Variants in CEP83 observed in about 807,000 individuals in gnomAD.
CEP83 encodes centrosomal protein 83.
In CEP83, 70 loss-of-function variants were observed where a neutral mutation model predicts 101.9. The ratio of observed to expected loss-of-function variants is 0.69; its 90% CI spans 0.57 to 0.84. The LOEUF (loss-of-function observed/expected upper bound fraction) is 0.84. Ranked by LOEUF, CEP83 falls within the 40% of genes least tolerant of loss-of-function variation. The probability of loss-of-function intolerance (pLI) is 0.00; values close to 1 mark genes in which losing one functional copy is unlikely to be tolerated. For synonymous variants in CEP83, 264 were observed against 267.9 expected, an observed-to-expected ratio of 0.99 and a Z score of 0.14; for missense variants, 715 against 787.2, an observed-to-expected ratio of 0.91 and a Z score of 1.10.
At chr12:94,434,206 T>G (rs1046173932) in intron 2 of CEP83, among the ~76,000 whole-genome samples, 1 of 152,160 alleles carries the variant, frequency 6.6e-6, no homozygotes, top group Non-Finnish European at 1.5e-5. Flanking sequence ...TGCAAAAATA[T>G]GAGAACTCAA....
chr12:94,361,228 T>C (rs1022979248), intron 11 of CEP83: 3 of 152,214 alleles, frequency 2.0e-5, no homozygotes, highest in African/African-American at 7.2e-5. Flanking sequence ...AAGTTGGGCA[T>C]GGTGGCACGT....
chr12:94,386,956 A>G (rs578244109), intron 6 of CEP83, among the ~76,000 whole-genome samples: 3 of 152,238 alleles, frequency 2.0e-5, no homozygotes, highest in Non-Finnish European at 4.4e-5. Flanking sequence ...ATAAAGCTGC[A>G]TATCTACAAC....
At chr12:94,311,100 C>G (rs1969794599) in intron 15 of CEP83, among the ~76,000 whole-genome samples, 1 of 152,038 alleles carries the variant, frequency 6.6e-6, no homozygotes, top group African/African-American at 2.4e-5. Context: ...CACCAATGGC[C>G]AATGATGTAA....
chr12:94,353,936 G>A (rs2060320486), intron 11 of CEP83, among the ~76,000 whole-genome samples: 1 of 151,596 alleles, frequency 6.6e-6, no homozygotes, highest in Admixed American at 6.6e-5. Flanking sequence ...TTCAGCAAGA[G>A]GATTAGCAAT....
chr12:94,271,231 TTG>T, the CEP83 span, among the ~76,000 whole-genome samples: 3 of 152,258 alleles, frequency 2.0e-5, no homozygotes, highest in African/African-American at 7.2e-5. Flanking sequence ...AGTTGCCAGT[TTG>T]TAATAAATTA....
chr12:94,422,474 C>T (rs1006709208), intron 2 of CEP83, among the ~76,000 whole-genome samples: 3 of 152,170 alleles, frequency 2.0e-5, no homozygotes, highest in African/African-American at 7.2e-5. Context: ...TCTTATGGTA[C>T]CACTGTTGTG....
At chr12:94,435,429 A>G (rs2065915485) in intron 1 of CEP83, 102 bp from the exon 2 acceptor site, 1 of 152,148 alleles carries the variant, frequency 6.6e-6, no homozygotes, top group African/African-American at 2.4e-5. Flanking sequence ...CTCTAACGAT[A>G]CTTCTGCATG....
intron 2 of CEP83, chr12:94,423,984 TG>T (rs1457219926): frequency 1.2e-6 from 2 of 1,612,878 alleles, no homozygotes; most frequent in Non-Finnish European, 8.5e-7. Context: ...TGGAGAGAAA[TG>T]GGATGGTCCA....
intron 11 of CEP83, among the ~76,000 whole-genome samples, chr12:94,355,476 G>A (rs149961147): frequency 0.096 from 14,673 of 152,166 alleles, 812 homozygotes; most frequent in Admixed American, 0.15. Context: ...GGGCAACAGA[G>A]CGAGACTCCG....
intron 6 of CEP83, among the ~76,000 whole-genome samples, chr12:94,380,071 C>CAAAAAAAAA (rs11362391): frequency 8.4e-5 from 7 of 83,194 alleles, no homozygotes; most frequent in African/African-American, 1.4e-4. Flanking sequence ...CCCGGCCCTG[C>CAAAAAAAAA]AAAAAAAAAA....
chr12:94,397,446 C>T (rs1448546634), intron 6 of CEP83, among the ~76,000 whole-genome samples: 4 of 152,050 alleles, frequency 2.6e-5, no homozygotes, highest in South Asian at 2.1e-4. Flanking sequence ...TGCAGTAAGC[C>T]GAGATTGCAT....
rs192503533 is a variant in CEP83, at chr12:94,346,055, C to T, written c.1344-10391G>A. On this transcript the variant is annotated intron_variant, in intron 11 of 16. Transcript: ENST00000397809. Reference sequence around the variant, plus strand: ...AGATCTCACCCTATTATTTCTCTTTCTTATTGTTTTTTTGAGACGGGGTCT... The same window carrying T: ...AGATCTCACCCTATTATTTCTCTTTTTTATTGTTTTTTTGAGACGGGGTCT... Among the ~76,000 whole-genome samples, 450 of 152,056 alleles carry T rather than the reference C, an allele frequency of 3.0e-3. 2 individuals carry two copies. The highest frequency in any genetic ancestry group is 0.015 in the Admixed American group (226 of 15,292).
In CEP83 at chr12:94,308,477, T is replaced by C. The variant is rs577558380; in HGVS notation, c.*336A>G. 4 of 189,982 alleles carry C rather than the reference T, an allele frequency of 2.1e-5. No homozygotes were observed. Among genetic ancestry groups the C allele is most frequent in the Non-Finnish European group, 2.2e-5 (2 of 91,972 alleles). 11.8% of individuals were successfully genotyped at this position (189,982 alleles called of 1,614,324 possible). A position where few individuals can be genotyped will look rare whatever the true frequency, so the allele number is the denominator to read the frequency against. Reference sequence around the variant, plus strand: ...AGCATCTCAAAGATGAAGAGAGAATTAATGATAGTTATATTTCACTCAAAA... The same window carrying C: ...AGCATCTCAAAGATGAAGAGAGAATCAATGATAGTTATATTTCACTCAAAA... On this transcript the variant is annotated 3_prime_UTR_variant, in exon 17 of 17. Coordinates refer to ENST00000397809, the MANE Select transcript of CEP83 (RefSeq NM_016122.3).
At position 94,347,297 on chromosome 12, in the gene CEP83, C is replaced by T. The variant is rs371756813; in HGVS notation, c.1344-11633G>A. Among the ~76,000 whole-genome samples the T allele has an allele frequency of 9.9e-5, 15 of 151,928 alleles. No homozygotes were observed. The East Asian group carries it at 2.9e-3, about 29-fold the overall frequency. On this transcript the variant is annotated intron_variant, in intron 11 of 16. Transcript: ENST00000397809. ...TTCACAAAAGTAGCTTATAAGCACA[C>T]AAAAAGATGCTAACCACCACTAGTC...
At position 94,370,017 on chromosome 12, in the gene CEP83, G is replaced by C. The variant is rs756402053; in HGVS notation, c.953C>G (p.Ser318Ter). ...GATGTCTGTTATTTCCAGTTTGTTT[G>C]AATGTTTAAGTTCTTTTACCTGTTG... Reference protein sequence around the residue: ...LSSKVKELKHSNKLEITDIKL... With the variant: ...LSSKVKELKH The change falls in exon 9 of 17, where the codon TCA becomes TGA. Residue 318 changes from serine (S) to a stop codon, truncating the protein, a stop_gained. Coordinates refer to ENST00000397809, the MANE Select transcript of CEP83 (RefSeq NM_016122.3). LOFTEE classifies it high-confidence loss of function. The C allele has an allele frequency of 1.2e-6, 2 of 1,600,924 alleles. No individual in the cohort carries two copies. Among genetic ancestry groups the C allele is most frequent in the East Asian group, 4.5e-5 (2 of 44,660 alleles).
At chr12:94,339,882 A>C (rs2059606120) in intron 11 of CEP83, among the ~76,000 whole-genome samples, 2 of 152,264 alleles carry the variant, frequency 1.3e-5, no homozygotes, top group South Asian at 4.1e-4. Flanking sequence ...TCACAGGCAA[A>C]GACATGCCAC....
At chr12:94,327,962 A>G (rs995297681) in intron 14 of CEP83, among the ~76,000 whole-genome samples, 1 of 152,204 alleles carries the variant, frequency 6.6e-6, no homozygotes, top group Non-Finnish European at 1.5e-5. Context: ...CAGCAAGATT[A>G]TATAGTTATC....
intron 2 of CEP83, among the ~76,000 whole-genome samples, chr12:94,413,827 C>CAT (rs1402984527): frequency 3.4e-4 from 14 of 41,356 alleles, no homozygotes; most frequent in Middle Eastern, 0.012. Flanking sequence ...ATAATACATA[C>CAT]ACACACACAC....
Position 94,384,806 on chromosome 12 carries a change from G to A in CEP83, c.550-5764C>T, listed in dbSNP as rs568473375. ...TTGTTTGTTTGTTTGTTTCAACCAC[G>A]TTTATAATTCCTCATTGAATCATTC... On this transcript the variant is annotated intron_variant, in intron 6 of 16. Coordinates refer to ENST00000397809, the MANE Select transcript of CEP83 (RefSeq NM_016122.3). Among the ~76,000 whole-genome samples the A allele has an allele frequency of 1.9e-4, 29 of 152,152 alleles. No individual in the cohort carries two copies. In the South Asian group the frequency reaches 3.1e-3, roughly 16 times the overall value.
Sources: gnomAD v4.1 joint callset for allele counts (sites outside exome capture counted in the v4.1 genomes callset) on GRCh38, gnomAD v4.1.1 for gene constraint, MANE v1.5 for transcripts, NCBI Gene and HGNC (gene_info 2026-07-23, HGNC 2026-07-21) for gene names.